The following AHI1 variants were observed in gnomAD, a reference collection of about 807,000 sequenced individuals.
AHI1 encodes the protein jouberin.
In AHI1, 123 loss-of-function variants were observed where a neutral mutation model predicts 149.3. The ratio of observed to expected loss-of-function variants is 0.82; its 90% CI spans 0.71 to 0.96. The LOEUF (loss-of-function observed/expected upper bound fraction) is 0.96, where lower values mean the gene tolerates loss of function less well. Ranked by LOEUF, AHI1 falls within the 40% of genes least tolerant of loss-of-function variation. AHI1 has a pLI of 0.00. For synonymous variants in AHI1, 475 were observed against 459.8 expected (o/e 1.03, Z -0.42); for missense variants, 1,439 against 1,422.7 (o/e 1.01, Z -0.18).
At chr6:135,443,286 TTC>T (rs1462933654) in intron 13 of AHI1, among the ~76,000 whole-genome samples, 2 of 152,326 alleles carry the variant, frequency 1.3e-5, no homozygotes, top group Non-Finnish European at 2.9e-5. Context: ...TTTCACCCTC[TTC>T]TACCAGATGA....
At chr6:135,352,632 T>C (rs554206626) in intron 24 of AHI1, among the ~76,000 whole-genome samples, 1 of 151,754 alleles carries the variant, frequency 6.6e-6, no homozygotes. Context: ...ATTTCATATA[T>C]TAGGATTTAG....
chr6:135,339,301 G>C (rs1292817894), intron 24 of AHI1, among the ~76,000 whole-genome samples: 3 of 152,174 alleles, frequency 2.0e-5, no homozygotes, highest in Non-Finnish European at 4.4e-5. Context: ...TGCAAGGAAA[G>C]AGGAAAGTAT....
rs1269089367 is a variant in AHI1, at chr6:135,334,539, T to TA, written c.3166-11216dup. Among the ~76,000 whole-genome samples the TA allele has an allele frequency of 2.6e-5, 4 of 152,332 alleles. No homozygotes were observed. The East Asian group carries it at 7.7e-4, about 29-fold the overall frequency. On this transcript the variant is annotated intron_variant, in intron 24 of 28. Coordinates refer to ENST00000265602, the MANE Select transcript of AHI1 (RefSeq NM_001134831.2). ...AGCCCAAACAGACTAAGACAATTGG[T>TA]ATGAATTAAACCTTTTCTTACTGCG...
intron 24 of AHI1, among the ~76,000 whole-genome samples, chr6:135,328,066 A>G (rs1017854419): frequency 2.6e-5 from 4 of 152,126 alleles, no homozygotes; most frequent in Admixed American, 6.6e-5. Context: ...AAAGTTCTGG[A>G]AGCCTGTACT....
At chr6:135,315,354 CT>C (rs1785783570) in intron 26 of AHI1, among the ~76,000 whole-genome samples, 1 of 152,156 alleles carries the variant, frequency 6.6e-6, no homozygotes, top group African/African-American at 2.4e-5. Flanking sequence ...TTGGTGACTC[CT>C]TTTCCGTGTG....
intron 5 of AHI1, among the ~76,000 whole-genome samples, chr6:135,486,067 G>A (rs9389294): frequency 0.75 from 113,897 of 152,162 alleles, 47,913 homozygotes; most frequent in Non-Finnish European, 0.91. Flanking sequence ...ACTTATTATG[G>A]TGCCTGCTAT....
chr6:135,367,923 C>A (rs988818421), intron 23 of AHI1, among the ~76,000 whole-genome samples: 1 of 151,940 alleles, frequency 6.6e-6, no homozygotes. Context: ...TGTTAAAGAA[C>A]CTTGTTTTGT....
At chr6:135,405,813 T>C (rs996802371) in intron 21 of AHI1, among the ~76,000 whole-genome samples, 7 of 146,508 alleles carry the variant, frequency 4.8e-5, no homozygotes, top group African/African-American at 1.8e-4. Flanking sequence ...TGAGCCAAGA[T>C]TGCGCCACTG....
chr6:135,451,918 T>TGA (rs1419078635), intron 11 of AHI1, among the ~76,000 whole-genome samples: 6 of 53,608 alleles, frequency 1.1e-4, no homozygotes, highest in Non-Finnish European at 2.2e-4. Context: ...ATTAACAGAT[T>TGA]TATAAAAGGG....
rs763165069 is a variant in AHI1, at chr6:135,428,728, T to A, written c.2524A>T (p.Asn842Tyr). Residue 842 changes from asparagine to tyrosine, a missense_variant, in exon 19 of 29, where the codon AAT becomes TAT. Transcript: ENST00000265602. ...LVARKFVGAANYREKIHSTLT... is the reference protein window; with the variant it reads ...LVARKFVGAAYYREKIHSTLT... The stretch of plus-strand genomic sequence containing the variant: ...GTACTATGAATCTTCTCCCGATAAT[T>A]TGCTGCTCCTACAAACTTCCTTGCT... 6.2e-7 allele frequency: 1 copy of A among 1,605,694 alleles called. No homozygotes were observed.
chr6:135,394,372 A>G (rs1358207521), intron 23 of AHI1, among the ~76,000 whole-genome samples: 2 of 152,050 alleles, frequency 1.3e-5, no homozygotes, highest in South Asian at 2.1e-4. Context: ...ATGGGATGTG[A>G]TATCACTACA....
chr6:135,295,799 T>G (rs1026559660), intron 27 of AHI1, among the ~76,000 whole-genome samples: 2 of 152,160 alleles, frequency 1.3e-5, no homozygotes, highest in African/African-American at 4.8e-5. Context: ...TTAATTGTGG[T>G]GATGGTTCAT....
chr6:135,352,479 C>A (rs899999545), intron 24 of AHI1, among the ~76,000 whole-genome samples: 6 of 152,164 alleles, frequency 3.9e-5, no homozygotes, highest in African/African-American at 1.2e-4. Context: ...TTAGCACTTG[C>A]CGACTCTAAA....
At chr6:135,435,286 A>T (rs1450448048) in intron 15 of AHI1, 1 of 152,202 alleles carries the variant, frequency 6.6e-6, no homozygotes, top group African/African-American at 2.4e-5. Flanking sequence ...AAGATAAATA[A>T]GGAAAAAATG....
intron 27 of AHI1, among the ~76,000 whole-genome samples, chr6:135,294,479 A>G (rs1782803086): frequency 6.6e-6 from 1 of 152,138 alleles, no homozygotes; most frequent in Non-Finnish European, 1.5e-5. Context: ...ATTGCACTCC[A>G]GCCTGGATGA....
intron 5 of AHI1, among the ~76,000 whole-genome samples, chr6:135,478,882 C>T (rs1223001863): frequency 6.6e-6 from 1 of 152,248 alleles, no homozygotes; most frequent in Admixed American, 6.5e-5. Context: ...GACATGGGGC[C>T]CTGTGTCCCA....
intron 5 of AHI1, among the ~76,000 whole-genome samples, chr6:135,481,705 C>T (rs1271396192): frequency 7.2e-6 from 1 of 139,730 alleles, no homozygotes; most frequent in African/African-American, 2.6e-5. Flanking sequence ...TATTGTTGTC[C>T]TTTTTTTTTT....
chr6:135,370,880 A>G (rs1457498902), intron 23 of AHI1, among the ~76,000 whole-genome samples: 1 of 151,924 alleles, frequency 6.6e-6, no homozygotes, highest in Non-Finnish European at 1.5e-5. Flanking sequence ...TCTTGTTTTC[A>G]ATTTTACCAA....
At chr6:135,388,969 G>A (rs922314821) in intron 23 of AHI1, among the ~76,000 whole-genome samples, 10 of 151,212 alleles carry the variant, frequency 6.6e-5, no homozygotes, top group Admixed American at 2.6e-4. Flanking sequence ...CTGAGACCGC[G>A]CCACTGCACT....
Sources: gnomAD v4.1 joint callset for allele counts (sites outside exome capture counted in the v4.1 genomes callset) on GRCh38, gnomAD v4.1.1 for gene constraint, MANE v1.5 for transcripts, NCBI Gene and HGNC (gene_info 2026-07-23, HGNC 2026-07-21) for gene names.